CNTNAP5: variants seen among roughly 807,000 people sequenced by gnomAD.
The protein encoded by CNTNAP5 is contactin-associated protein-like 5.
CNTNAP5 carries 72 observed loss-of-function variants against 150.2 expected under a neutral mutation model. The observed-to-expected ratio is 0.48, with a 90% confidence interval of 0.40 to 0.58. CNTNAP5 has a LOEUF of 0.58. Among genes scored for constraint, CNTNAP5 ranks in the 20% least tolerant of loss-of-function variants. The pLI, the probability that CNTNAP5 is intolerant of heterozygous loss-of-function variation, is 0.00. For missense variants in CNTNAP5, 1,636 were observed against 1,626.2 expected, an observed-to-expected ratio of 1.01 and a Z score of -0.10; for synonymous variants, 672 against 619.8, an observed-to-expected ratio of 1.08 and a Z score of -1.25.
chr2:124,469,678 TA>T (rs1454890917), intron 6 of CNTNAP5, among the ~76,000 whole-genome samples: 10 of 152,224 alleles, frequency 6.6e-5, no homozygotes, highest in East Asian at 1.9e-4. Context: ...TCCAATTTCC[TA>T]GGTATTAAGC....
At chr2:124,720,138 T>C (rs1680020812) in intron 13 of CNTNAP5, among the ~76,000 whole-genome samples, 1 of 152,164 alleles carries the variant, frequency 6.6e-6, no homozygotes, top group African/African-American at 2.4e-5. Context: ...GGTCCCTCCA[T>C]CATCCCAGCA....
chr2:124,770,212 G>T (rs1244173083), intron 16 of CNTNAP5, among the ~76,000 whole-genome samples: 1 of 152,170 alleles, frequency 6.6e-6, no homozygotes, highest in Non-Finnish European at 1.5e-5. Flanking sequence ...AGAACTTCCT[G>T]TATACAAGGC....
intron 14 of CNTNAP5, among the ~76,000 whole-genome samples, chr2:124,749,575 CA>C (rs1198784655): frequency 6.6e-6 from 1 of 152,092 alleles, no homozygotes; most frequent in Non-Finnish European, 1.5e-5. Flanking sequence ...CAGGGCACAC[CA>C]CCACGCCTAG....
chr2:124,767,192 C>T (rs1472214778), intron 16 of CNTNAP5, among the ~76,000 whole-genome samples: 2 of 152,290 alleles, frequency 1.3e-5, no homozygotes, highest in Non-Finnish European at 2.9e-5. Context: ...TCCCTCTCAT[C>T]CGCAAGGAGT....
intron 13 of CNTNAP5, among the ~76,000 whole-genome samples, chr2:124,669,678 C>A (rs1184374863): frequency 2.0e-5 from 3 of 152,220 alleles, no homozygotes; most frequent in African/African-American, 7.2e-5. Flanking sequence ...TCCAAATATG[C>A]TCTTCCAGCA....
intron 21 of CNTNAP5, among the ~76,000 whole-genome samples, chr2:124,876,237 G>A (rs1677858754): frequency 6.6e-6 from 1 of 152,052 alleles, no homozygotes; most frequent in Non-Finnish European, 1.5e-5. Flanking sequence ...CCATGGCAGT[G>A]TTCAGGTGAT....
Position 124,911,489 on chromosome 2 carries a change from G to A in CNTNAP5, c.3678G>A (p.Glu1226=). The change falls in exon 23 of 24, where the codon GAG becomes GAA. Residue 1226 remains glutamate, a synonymous_variant. Coordinates refer to ENST00000682447, the MANE Select transcript of CNTNAP5 (RefSeq NM_001367498.1). ...SSSDPFGKTD[E]REPLTNAVRS... ...CAGATCCTTTTGGGAAGACAGATGA[G>A]CGGGAACCACTCACAAATGCTGTTC... 6.2e-7 allele frequency: 1 copy of A among 1,601,494 alleles called. No individual in the cohort carries two copies.
intron 13 of CNTNAP5, among the ~76,000 whole-genome samples, chr2:124,683,807 A>C (rs904359568): frequency 1.3e-5 from 2 of 152,198 alleles, no homozygotes; most frequent in African/African-American, 4.8e-5. Context: ...CAAAAACAGA[A>C]AAAAAAGTTT....
intron 1 of CNTNAP5, among the ~76,000 whole-genome samples, chr2:124,097,782 A>G (rs946708486): frequency 6.6e-6 from 1 of 152,202 alleles, no homozygotes; most frequent in Non-Finnish European, 1.5e-5. Flanking sequence ...TAATCCCAGC[A>G]CTTTGGGCGG....
intron 3 of CNTNAP5, among the ~76,000 whole-genome samples, chr2:124,364,891 C>A (rs1237247502): frequency 3.3e-5 from 3 of 92,204 alleles, no homozygotes; most frequent in Admixed American, 2.8e-4. Context: ...TAGGGCATTC[C>A]TCATTATGCC....
intron 19 of CNTNAP5, among the ~76,000 whole-genome samples, chr2:124,831,229 C>T (rs887263883): frequency 6.6e-6 from 1 of 151,924 alleles, no homozygotes; most frequent in Non-Finnish European, 1.5e-5. Context: ...CATGCTTGCA[C>T]TTTCTGGTTT....
intron 17 of CNTNAP5, 122 bp from the exon 18 acceptor site, chr2:124,789,780 A>G: frequency 2.3e-6 from 2 of 866,790 alleles, no homozygotes; most frequent in Non-Finnish European, 3.4e-6. Flanking sequence ...TTTAATAAAA[A>G]AATTAATTTA....
intron 4 of CNTNAP5, 49 bp from the exon 5 acceptor site, chr2:124,434,435 C>A: frequency 1.5e-6 from 2 of 1,355,652 alleles, no homozygotes; most frequent in East Asian, 2.3e-5. Flanking sequence ...TAACAGCAGT[C>A]ATGAGAATAT....
At chr2:124,316,804 C>CAAAAAAAAAAAAA (rs56812690) in intron 3 of CNTNAP5, among the ~76,000 whole-genome samples, 19 of 54,778 alleles carry the variant, frequency 3.5e-4, no homozygotes, top group Admixed American at 1.1e-3. Context: ...GACTCCATCT[C>CAAAAAAAAAAAAA]AAAAAAAAAA....
At chr2:124,174,574 G>A (rs1685017023) in intron 1 of CNTNAP5, among the ~76,000 whole-genome samples, 1 of 152,192 alleles carries the variant, frequency 6.6e-6, no homozygotes. Context: ...AGATGTGACT[G>A]AATTGCTGCA....
intron 21 of CNTNAP5, among the ~76,000 whole-genome samples, chr2:124,870,102 A>G (rs1677713532): frequency 6.6e-6 from 1 of 152,048 alleles, no homozygotes; most frequent in African/African-American, 2.4e-5. Flanking sequence ...GAGCAACTCA[A>G]TAGTTCATCA....
intron 7 of CNTNAP5, among the ~76,000 whole-genome samples, chr2:124,485,138 T>A (rs1329882589): frequency 6.6e-6 from 1 of 152,192 alleles, no homozygotes; most frequent in Non-Finnish European, 1.5e-5. Flanking sequence ...TAAAAGTGGC[T>A]TTCTAGTAGA....
chr2:124,576,546 G>A (rs188366935), intron 11 of CNTNAP5, among the ~76,000 whole-genome samples: 1 of 152,288 alleles, frequency 6.6e-6, no homozygotes, highest in African/African-American at 2.4e-5. Context: ...TACTTTAACA[G>A]AAGTCTTCCA....
At chr2:124,343,899 A>G (rs1689677396) in intron 3 of CNTNAP5, among the ~76,000 whole-genome samples, 1 of 152,190 alleles carries the variant, frequency 6.6e-6, no homozygotes, top group Non-Finnish European at 1.5e-5. Context: ...ATGGTAGAGA[A>G]TGTAAAAGGG....
Sources: gnomAD v4.1 joint callset for allele counts (sites outside exome capture counted in the v4.1 genomes callset) on GRCh38, gnomAD v4.1.1 for gene constraint, MANE v1.5 for transcripts, NCBI Gene and HGNC (gene_info 2026-07-23, HGNC 2026-07-21) for gene names.